WDR70: variants seen among roughly 807,000 people sequenced by gnomAD.
The protein encoded by WDR70 is WD repeat-containing protein 70.
A neutral mutation model predicts 88.6 loss-of-function variants in WDR70; 53 were observed. The observed-to-expected ratio is 0.60, with a 90% CI of 0.48 to 0.75. WDR70 has a LOEUF of 0.75. Among genes scored for constraint, WDR70 ranks in the 30% least tolerant of loss-of-function variants. The pLI, the probability that WDR70 is intolerant of heterozygous loss-of-function variation, is 0.00. For synonymous variants in WDR70, 280 were observed against 270.0 expected, an observed-to-expected ratio of 1.04 and a Z score of -0.36; for missense variants, 610 against 823.2, an observed-to-expected ratio of 0.74 and a Z score of 3.17.
intron 17 of WDR70, among the ~76,000 whole-genome samples, chr5:37,739,789 C>T (rs1748419405): frequency 6.6e-6 from 1 of 152,018 alleles, no homozygotes; most frequent in African/African-American, 2.4e-5. Context: ...TGCTATCCCT[C>T]CCCCAGCCCC....
intron 10 of WDR70, among the ~76,000 whole-genome samples, chr5:37,660,403 A>C (rs1232523916): frequency 6.6e-6 from 1 of 150,912 alleles, no homozygotes; most frequent in African/African-American, 2.4e-5. Flanking sequence ...TGAGAGAGGA[A>C]TATTGAAATC....
intron 9 of WDR70, among the ~76,000 whole-genome samples, chr5:37,557,962 G>GAAAAC (rs1742362126): frequency 5.2e-3 from 15 of 2,870 alleles, no homozygotes; most frequent in East Asian, 0.02. Flanking sequence ...AGAGTATTAT[G>GAAAAC]TATATTTATT....
intron 8 of WDR70, among the ~76,000 whole-genome samples, chr5:37,483,675 G>A (rs1248999286): frequency 7.9e-5 from 12 of 152,002 alleles, no homozygotes; most frequent in East Asian, 2.0e-4. Flanking sequence ...CAGAAGGGGC[G>A]GCCAGGCAGA....
chr5:37,669,734 G>A lies in WDR70; in HGVS notation c.1093-27921G>A, dbSNP rs181150165. On this transcript the variant is annotated intron_variant, in intron 10 of 17. Coordinates refer to ENST00000265107, the MANE Select transcript of WDR70 (RefSeq NM_018034.4). ...AGAGTCAGACCATGATGTAGACCAT[G>A]CGTTTGTGAAGGAGAGAGGAAAGAA... is the stretch of plus-strand genomic sequence containing the variant. Among the ~76,000 whole-genome samples the A allele has an allele frequency of 9.8e-4, 149 of 152,282 alleles. 1 individual carries two copies. Among genetic ancestry groups the A allele is most frequent in the African/African-American group, 3.4e-3 (142 of 41,558 alleles).
chr5:37,650,707 G>A (rs1454855870), intron 10 of WDR70, among the ~76,000 whole-genome samples: 1 of 152,034 alleles, frequency 6.6e-6, no homozygotes. Context: ...TTGCATGGTA[G>A]GTAATTGAAG....
chr5:37,557,910 T>C, intron 9 of WDR70, among the ~76,000 whole-genome samples: 1 of 131,676 alleles, frequency 7.6e-6, no homozygotes, highest in Non-Finnish European at 1.7e-5. Context: ...TATACTCTTT[T>C]GAAAACTCTT....
At chr5:37,699,176 T>C (rs1454948924) in intron 11 of WDR70, among the ~76,000 whole-genome samples, 2 of 151,950 alleles carry the variant, frequency 1.3e-5, no homozygotes, top group Non-Finnish European at 2.9e-5. Flanking sequence ...AGGGAGAGTG[T>C]AGCTTGAAAA....
chr5:37,469,632 A>G (rs1450029876), intron 7 of WDR70, among the ~76,000 whole-genome samples: 3 of 152,216 alleles, frequency 2.0e-5, no homozygotes, highest in Non-Finnish European at 2.9e-5. Context: ...ATTGCAAAGC[A>G]GAGTTGGGAG....
Position 37,610,331 on chromosome 5 carries a change from A to C in WDR70, c.1092+5093A>C, listed in dbSNP as rs571637506. 2.0e-5 allele frequency among the ~76,000 whole-genome samples: 3 copies of C among 151,552 alleles called. 1 individual carries two copies. In the South Asian group the frequency reaches 6.3e-4, roughly 32 times the overall value. ...ATTTGAAGCTTGTTTTTTTAATTTG[A>C]AAGCATAAAATAGTAGATATAGCTT... is the stretch of plus-strand genomic sequence containing the variant. On this transcript the variant is annotated intron_variant, in intron 10 of 17. Coordinates refer to ENST00000265107, the MANE Select transcript of WDR70 (RefSeq NM_018034.4).
At chr5:37,473,215 G>T (rs1277576193) in intron 7 of WDR70, among the ~76,000 whole-genome samples, 2 of 128,292 alleles carry the variant, frequency 1.6e-5, no homozygotes, top group African/African-American at 5.4e-5. Flanking sequence ...ACTTTTAGTG[G>T]GTTGTTGGTC....
intron 9 of WDR70, among the ~76,000 whole-genome samples, chr5:37,574,127 G>A (rs886806797): frequency 6.6e-6 from 1 of 152,188 alleles, no homozygotes; most frequent in Non-Finnish European, 1.5e-5. Context: ...CCATAATGCA[G>A]ATCTAACAAA....
intron 5 of WDR70, among the ~76,000 whole-genome samples, chr5:37,398,158 C>G (rs141686121): frequency 1.4e-5 from 2 of 145,564 alleles, no homozygotes; most frequent in South Asian, 4.3e-4. Context: ...GCGCCATCTC[C>G]GCTCACTGCA....
chr5:37,594,303 CT>C (rs1743630539), intron 9 of WDR70, among the ~76,000 whole-genome samples: 1 of 152,142 alleles, frequency 6.6e-6, no homozygotes, highest in African/African-American at 2.4e-5. Flanking sequence ...TTTAATCCAT[CT>C]TGAATTAATT....
chr5:37,609,496 A>G (rs1198947899), intron 10 of WDR70, among the ~76,000 whole-genome samples: 1 of 152,220 alleles, frequency 6.6e-6, no homozygotes, highest in Non-Finnish European at 1.5e-5. Context: ...TACTGTTTGT[A>G]GGCTAAGTTT....
At chr5:37,498,138 G>A (rs1356585113) in intron 8 of WDR70, among the ~76,000 whole-genome samples, 1 of 152,152 alleles carries the variant, frequency 6.6e-6, no homozygotes, top group African/African-American at 2.4e-5. Context: ...ACAAAATTGA[G>A]ATGAATTTTA....
intron 7 of WDR70, among the ~76,000 whole-genome samples, chr5:37,472,595 A>C (rs558008980): frequency 6.6e-6 from 1 of 152,038 alleles, no homozygotes; most frequent in South Asian, 2.1e-4. Context: ...CCCGGGTTCA[A>C]GAAATTCTCT....
intron 9 of WDR70, among the ~76,000 whole-genome samples, chr5:37,584,455 A>C (rs1349891957): frequency 1.3e-5 from 2 of 152,234 alleles, no homozygotes; most frequent in Non-Finnish European, 2.9e-5. Context: ...TTGATTAAGC[A>C]TTGTTTAAAT....
At chr5:37,515,240 T>G (rs1275049034) in intron 8 of WDR70, among the ~76,000 whole-genome samples, 1 of 149,982 alleles carries the variant, frequency 6.7e-6, no homozygotes, top group African/African-American at 2.5e-5. Context: ...TAGAAGGTTT[T>G]AGGACCATGG....
chr5:37,479,916 G>C lies in WDR70; in HGVS notation c.769G>C (p.Asp257His). ...VSGSSQAKVI[D>H]RDGFEVMECI... ...TGGAAGCTCTCAGGCCAAGGTGATT[G>C]ACAGAGATGGTTTTGAAGTAATGGA... Residue 257 changes from aspartate to histidine, a missense_variant, in exon 8 of 18, where the codon GAC becomes CAC. Transcript: ENST00000265107. 6.2e-7 allele frequency: 1 copy of C among 1,614,134 alleles called. No homozygotes were observed. Among genetic ancestry groups the C allele is most frequent in the Non-Finnish European group, 8.5e-7 (1 of 1,180,018 alleles).
Sources: allele counts gnomAD v4.1 joint callset (sites outside exome capture counted in the v4.1 genomes callset), GRCh38; gene constraint gnomAD v4.1.1; transcripts MANE v1.5; gene names NCBI Gene and HGNC (gene_info 2026-07-23, HGNC 2026-07-21).